The following NKAIN3 variants were observed in gnomAD, a reference collection of about 807,000 sequenced individuals.
The protein encoded by NKAIN3 is sodium/potassium transporting ATPase interacting 3, also known as sodium/potassium-transporting ATPase subunit beta-1-interacting protein 3.
Under a neutral mutation model 30.2 loss-of-function variants are expected in NKAIN3, and 25 were observed. That is an observed-to-expected ratio of 0.83 (90% confidence interval 0.60 to 1.16). The LOEUF is 1.16. Among genes scored for constraint, NKAIN3 ranks in the 50% most tolerant of loss-of-function variants. NKAIN3 has a pLI of 0.00. For synonymous variants in NKAIN3, 91 were observed against 89.6 expected, an observed-to-expected ratio of 1.02 and a Z score of -0.09; for missense variants, 225 against 254.1, an observed-to-expected ratio of 0.89 and a Z score of 0.78.
chr8:62,279,204 C>T (rs1042517755), intron 1 of NKAIN3, among the ~76,000 whole-genome samples: 1 of 152,202 alleles, frequency 6.6e-6, no homozygotes, highest in African/African-American at 2.4e-5. Flanking sequence ...TCATATCCTT[C>T]ACCCACTTTT....
chr8:62,863,412 G>A, intron 4 of NKAIN3: 9 of 1,549,012 alleles, frequency 5.8e-6, no homozygotes, highest in Non-Finnish European at 7.9e-6. Flanking sequence ...GCGGCTTTAT[G>A]TCAGTATGAG....
intron 3 of NKAIN3, among the ~76,000 whole-genome samples, chr8:62,640,375 G>T (rs968769998): frequency 6.6e-6 from 1 of 151,976 alleles, no homozygotes. Context: ...CTCACCTGCC[G>T]CCATGTAAGA....
intron 3 of NKAIN3, among the ~76,000 whole-genome samples, chr8:62,729,406 A>G (rs1333929131): frequency 6.6e-6 from 1 of 152,166 alleles, no homozygotes; most frequent in Non-Finnish European, 1.5e-5. Flanking sequence ...CAGAAAGTCT[A>G]ATTCAATACT....
At chr8:62,649,516 T>A (rs943803790) in intron 3 of NKAIN3, among the ~76,000 whole-genome samples, 1 of 152,208 alleles carries the variant, frequency 6.6e-6, no homozygotes, top group Non-Finnish European at 1.5e-5. Context: ...GTTGTTTTTC[T>A]GTCATTTGTA....
chr8:62,807,552 T>C (rs933877900), intron 4 of NKAIN3, among the ~76,000 whole-genome samples: 19 of 130,594 alleles, frequency 1.5e-4, no homozygotes, highest in African/African-American at 5.1e-4. Context: ...GTTATTCTTT[T>C]CTGGTTTTTT....
chr8:62,872,975 A>G (rs1820691218), intron 4 of NKAIN3, among the ~76,000 whole-genome samples: 1 of 152,174 alleles, frequency 6.6e-6, no homozygotes, highest in Admixed American at 6.5e-5. Flanking sequence ...AAATAACTAA[A>G]TAGCATCATA....
At chr8:62,802,828 TAA>T (rs1196154595) in intron 4 of NKAIN3, among the ~76,000 whole-genome samples, 1 of 152,126 alleles carries the variant, frequency 6.6e-6, no homozygotes, top group Non-Finnish European at 1.5e-5. Context: ...GCAAACTGGA[TAA>T]AGAGTCAAGA....
intron 3 of NKAIN3, among the ~76,000 whole-genome samples, chr8:62,709,884 G>A (rs990456912): frequency 7.9e-5 from 12 of 151,910 alleles, no homozygotes; most frequent in African/African-American, 1.9e-4. Context: ...TCTTAGCACC[G>A]CCTTTGCTGT....
intron 1 of NKAIN3, among the ~76,000 whole-genome samples, chr8:62,387,134 G>A (rs1034617944): frequency 6.6e-6 from 1 of 152,014 alleles, no homozygotes; most frequent in Non-Finnish European, 1.5e-5. Flanking sequence ...TCATACAACA[G>A]GAAATGGTAT....
At chr8:62,989,730 T>TAA (rs1335353440), downstream of NKAIN3, among the ~76,000 whole-genome samples, 1 of 152,188 alleles carries the variant, frequency 6.6e-6, no homozygotes, top group African/African-American at 2.4e-5. Context: ...TGTATATATA[T>TAA]AATTATTGAA....
In NKAIN3 at chr8:62,965,851, G is replaced by A. The variant is rs1823696974; in HGVS notation, c.*444G>A. 6 of 984,870 alleles carry A rather than the reference G, an allele frequency of 6.1e-6. No individual in the cohort carries two copies. The Admixed American group carries it at 1.8e-4, about 30-fold the overall frequency. The allele number at this position is 984,870 out of a possible 1,614,324, so 61.0% of individuals were successfully genotyped here. A position where few individuals can be genotyped will look rare whatever the true frequency, so the allele number is the denominator to read the frequency against. On this transcript the variant is annotated 3_prime_UTR_variant, in exon 7 of 7. Transcript: ENST00000623646. Reference sequence around the variant, plus strand: ...ATTACCTGTGGTTATCAGCCACCAAGGTAGACCCTGTGACAGCTGATAAAT... The same window carrying A: ...ATTACCTGTGGTTATCAGCCACCAAAGTAGACCCTGTGACAGCTGATAAAT...
chr8:62,747,662 A>G lies in NKAIN3; in HGVS notation c.471+533A>G, dbSNP rs1203230202. Among the ~76,000 whole-genome samples, 4 of 152,250 alleles carry G rather than the reference A, an allele frequency of 2.6e-5. No homozygotes were observed. The East Asian group carries it at 7.7e-4, about 29-fold the overall frequency. ...GAAGGAAATGATGTGATTAGTCCAC[A>G]GAAGGTTAATGTGCCAGGGATTCCT... On this transcript the variant is annotated intron_variant, in intron 4 of 6. Transcript: ENST00000623646.
intron 1 of NKAIN3, among the ~76,000 whole-genome samples, chr8:62,389,226 A>G (rs1412749642): frequency 2.0e-5 from 3 of 152,194 alleles, no homozygotes; most frequent in Non-Finnish European, 4.4e-5. Context: ...ATTTTTGTAT[A>G]TCTATGGGGT....
chr8:62,404,184 G>A (rs774638219), intron 1 of NKAIN3, among the ~76,000 whole-genome samples: 2 of 152,176 alleles, frequency 1.3e-5, no homozygotes, highest in Non-Finnish European at 2.9e-5. Context: ...TAACTAACTT[G>A]CTTTTGATTT....
intron 3 of NKAIN3, among the ~76,000 whole-genome samples, chr8:62,744,215 G>A (rs1024552307): frequency 6.6e-6 from 1 of 152,030 alleles, no homozygotes; most frequent in South Asian, 2.1e-4. Flanking sequence ...CTATATTTGG[G>A]GGTGTCATTT....
chr8:62,440,102 C>A (rs1408480539), intron 1 of NKAIN3, among the ~76,000 whole-genome samples: 1 of 152,046 alleles, frequency 6.6e-6, no homozygotes, highest in South Asian at 2.1e-4. Flanking sequence ...CTCCTTTTTG[C>A]AATTCCAAGG....
intron 4 of NKAIN3, among the ~76,000 whole-genome samples, chr8:62,907,508 C>T (rs1166400316): frequency 1.3e-5 from 2 of 152,156 alleles, no homozygotes; most frequent in Non-Finnish European, 2.9e-5. Context: ...CAGAGGTCTT[C>T]ATGGCAGCGC....
intron 3 of NKAIN3, among the ~76,000 whole-genome samples, chr8:62,631,680 T>A (rs1017307520): frequency 2.0e-5 from 3 of 152,178 alleles, no homozygotes; most frequent in African/African-American, 7.2e-5. Context: ...AGACTTCTGT[T>A]CTTTCACATC....
chr8:62,465,978 C>T lies in NKAIN3; in HGVS notation c.55-113561C>T, dbSNP rs139731809. On this transcript the variant is annotated intron_variant, in intron 1 of 6. Coordinates refer to ENST00000623646, the MANE Select transcript of NKAIN3 (RefSeq NM_001304533.3). ...GCAGAGGTTTAGTGAGCCAAGATCGCGCACCACTGCACTCCAGCCTGGGGC... is the reference window on the plus strand; with the variant it reads ...GCAGAGGTTTAGTGAGCCAAGATCGTGCACCACTGCACTCCAGCCTGGGGC... 4.8e-3 allele frequency among the ~76,000 whole-genome samples: 735 copies of T among 151,916 alleles called. 10 individuals are homozygous for T. The highest frequency in any genetic ancestry group is 0.017 in the African/African-American group (694 of 41,420).
Sources: allele counts gnomAD v4.1 joint callset (sites outside exome capture counted in the v4.1 genomes callset), GRCh38; gene constraint gnomAD v4.1.1; transcripts MANE v1.5; gene names NCBI Gene and HGNC (gene_info 2026-07-23, HGNC 2026-07-21).